PCDHGA9: variants seen among roughly 807,000 people sequenced by gnomAD.
PCDHGA9 encodes protocadherin gamma subfamily A, 9, also known as protocadherin gamma-A9.
In PCDHGA9, 37 loss-of-function variants were observed where a neutral mutation model predicts 62.5. The ratio of observed to expected loss-of-function variants is 0.59; its 90% CI spans 0.46 to 0.78. PCDHGA9 has a LOEUF of 0.78. Among genes scored for constraint, PCDHGA9 ranks in the 30% least tolerant of loss-of-function variants. The pLI is 0.00. For missense variants in PCDHGA9, 1,138 were observed against 1,166.2 expected (o/e 0.98, Z 0.35); for synonymous variants, 459 against 484.6 (o/e 0.95, Z 0.69).
intron 1 of PCDHGA9, among the ~76,000 whole-genome samples, chr5:141,466,748 G>A (rs562859284): frequency 6.6e-6 from 1 of 152,238 alleles, no homozygotes; most frequent in South Asian, 2.1e-4. Context: ...TACTCTGATA[G>A]GGGCTCTTTT....
rs1482297743 is a variant in PCDHGA9 at position 141,403,937 on chromosome 5, G to A, written c.985G>A (p.Gly329Arg). 8 of 1,613,778 alleles carry A rather than the reference G, an allele frequency of 5.0e-6. No individual in the cohort carries two copies. The highest frequency in any genetic ancestry group is 6.8e-6 in the Non-Finnish European group (8 of 1,179,896). Residue 329 changes from glycine (G) to arginine (R), a missense_variant, in exon 1 of 4, where the codon GGG becomes AGG. Transcript: ENST00000573521. Reference protein sequence around the residue: ...IQAEDGGGLKGWTKVLISVED... With the variant: ...IQAEDGGGLKRWTKVLISVED... ...AGCTGAAGATGGTGGGGGATTGAAA[G>A]GGTGGACAAAAGTGCTCATTTCGGT...
In PCDHGA9 at chr5:141,493,511, T is replaced by G. The variant is rs1203329648; in HGVS notation, c.2425-1296T>G. Among the ~76,000 whole-genome samples the G allele has an allele frequency of 6.6e-6, 1 of 152,094 alleles. No individual in the cohort carries two copies. Reference sequence around the variant, plus strand: ...TCTGTGGCTCCTCATTTCTGAGCAGTCCCCGCAGCGCAAACTTGGCCAGTT... The same window carrying G: ...TCTGTGGCTCCTCATTTCTGAGCAGGCCCCGCAGCGCAAACTTGGCCAGTT... On this transcript the variant is annotated intron_variant, in intron 1 of 3. Coordinates refer to ENST00000573521, the MANE Select transcript of PCDHGA9 (RefSeq NM_018921.3). This position sits in a 1 kb window ranked among gnomAD's most constrained non-coding sequence, Gnocchi z 4.3.
In PCDHGA9 at chr5:141,431,468, G is replaced by C. The variant is rs756718016; in HGVS notation, c.2424+26092G>C. 4 of 1,613,804 alleles carry C rather than the reference G, an allele frequency of 2.5e-6. No homozygotes were observed. Among genetic ancestry groups the C allele is most frequent in the Non-Finnish European group, 3.4e-6 (4 of 1,179,964 alleles). On this transcript the variant is annotated intron_variant, in intron 1 of 3. Coordinates refer to ENST00000573521, the MANE Select transcript of PCDHGA9 (RefSeq NM_018921.3). The surrounding 1 kb of genome is among the most constrained non-coding windows in gnomAD (Gnocchi z 4.8). Reference sequence around the variant, plus strand: ...CCGCGTGATGGTTCTGGATGCGAACGACAACGCACCAGCGTTTGCTCAGCC... The same window carrying C: ...CCGCGTGATGGTTCTGGATGCGAACCACAACGCACCAGCGTTTGCTCAGCC...
chr5:141,454,693 A>G (rs951819293), intron 1 of PCDHGA9, among the ~76,000 whole-genome samples: 1 of 151,738 alleles, frequency 6.6e-6, no homozygotes, highest in Non-Finnish European at 1.5e-5. Context: ...GGCATGAGCC[A>G]CCATGCTCCA....
At chr5:141,455,583 A>G (rs1485134189) in intron 1 of PCDHGA9, among the ~76,000 whole-genome samples, 4 of 152,144 alleles carry the variant, frequency 2.6e-5, no homozygotes, top group Non-Finnish European at 2.9e-5. Context: ...CCAGCCTTTT[A>G]ATATGCAAAC....
At chr5:141,435,803 T>C (rs551682061) in intron 1 of PCDHGA9, among the ~76,000 whole-genome samples, 1 of 152,178 alleles carries the variant, frequency 6.6e-6, no homozygotes, top group South Asian at 2.1e-4. Context: ...ACGTCCCAAT[T>C]ATTTTTTCTT....
Position 141,450,950 on chromosome 5 carries a change from A to G in PCDHGA9, c.2425-43857A>G, listed in dbSNP as rs1176916120. ...AGCAATTCTCCTACCTCAGCCTCCCAAGTAGCTGGGATTACAGGCATGTGC... is the reference window on the plus strand; with the variant it reads ...AGCAATTCTCCTACCTCAGCCTCCCGAGTAGCTGGGATTACAGGCATGTGC... On this transcript the variant is annotated intron_variant, in intron 1 of 3. Coordinates refer to ENST00000573521, the MANE Select transcript of PCDHGA9 (RefSeq NM_018921.3). Among the ~76,000 whole-genome samples, 9 of 150,714 alleles carry G rather than the reference A, an allele frequency of 6.0e-5. No individual in the cohort carries two copies. In the East Asian group the frequency reaches 1.6e-3, roughly 26 times the overall value.
In PCDHGA9 at chr5:141,404,311, T is replaced by G. The variant is rs746092761; in HGVS notation, c.1359T>G (p.Ser453=). The change falls in exon 1 of 4, where the codon TCT becomes TCG. Residue 453 remains serine, a synonymous_variant. Transcript: ENST00000573521. ...TDINDNPPAF[S]QASYSVYLPE... is the part of the protein sequence containing the mutation. ...TCAATGATAATCCACCTGCTTTCTC[T>G]CAAGCCTCCTACTCAGTCTACCTCC... 3 of 1,613,924 alleles carry G rather than the reference T, an allele frequency of 1.9e-6. No individual in the cohort carries two copies.
In PCDHGA9 at chr5:141,403,092, A is replaced by C; in HGVS notation, c.140A>C (p.Asn47Thr). 2.5e-6 allele frequency: 4 copies of C among 1,614,086 alleles called. No individual in the cohort carries two copies. Among genetic ancestry groups the C allele is most frequent in the Non-Finnish European group, 3.4e-6 (4 of 1,179,906 alleles). ...ACAGAAAAGGGCTATATTGTGGGCAACATCTCCAAGGACCTGGCTCTGGAG... is the reference window on the plus strand; with the variant it reads ...ACAGAAAAGGGCTATATTGTGGGCACCATCTCCAAGGACCTGGCTCTGGAG... ...EETEKGYIVG[N>T]ISKDLALEPR... The change falls in exon 1 of 4, where the codon AAC becomes ACC. Residue 47 changes from asparagine to threonine, a missense_variant. Physicochemically the swap from Asn to Thr is moderately conservative, Grantham distance 65. Transcript: ENST00000573521.
chr5:141,429,426 G>C (rs992784469), intron 1 of PCDHGA9, among the ~76,000 whole-genome samples: 3 of 151,724 alleles, frequency 2.0e-5, no homozygotes, highest in African/African-American at 4.8e-5. Context: ...TGTTGCCCAG[G>C]CTGGACTCAA....
chr5:141,465,257 T>C (rs968727090), intron 1 of PCDHGA9, among the ~76,000 whole-genome samples: 19 of 152,310 alleles, frequency 1.2e-4, no homozygotes, highest in Admixed American at 1.2e-3. Flanking sequence ...TTGTAAGCAA[T>C]GATACTAGCC....
chr5:141,477,037 G>A lies in PCDHGA9; in HGVS notation c.2425-17770G>A. ...TTGTAACCGGGATGCTGACAATCAAGGGTCGGCTGGACTTCGAGGACACCA... is the reference window on the plus strand; with the variant it reads ...TTGTAACCGGGATGCTGACAATCAAAGGTCGGCTGGACTTCGAGGACACCA... On this transcript the variant is annotated intron_variant, in intron 1 of 3. Coordinates refer to ENST00000573521, the MANE Select transcript of PCDHGA9 (RefSeq NM_018921.3). This position sits in a 1 kb window ranked among gnomAD's most constrained non-coding sequence, Gnocchi z 4.9. 6.2e-7 allele frequency: 1 copy of A among 1,614,266 alleles called. No individual in the cohort carries two copies. The highest frequency in any genetic ancestry group is 8.5e-7 in the Non-Finnish European group (1 of 1,180,052).
intron 1 of PCDHGA9, among the ~76,000 whole-genome samples, chr5:141,456,702 C>A (rs1185842343): frequency 6.6e-6 from 1 of 152,062 alleles, no homozygotes; most frequent in African/African-American, 2.4e-5. Flanking sequence ...TGGTGGCTCG[C>A]GCCTGTAATC....
chr5:141,415,031 G>T lies in PCDHGA9; in HGVS notation c.2424+9655G>T, dbSNP rs982540695. The T allele has an allele frequency of 6.2e-6, 10 of 1,613,464 alleles. No individual in the cohort carries two copies. The highest frequency in any genetic ancestry group is 6.8e-6 in the Non-Finnish European group (8 of 1,179,984). On this transcript the variant is annotated intron_variant, in intron 1 of 3. Transcript: ENST00000573521. ...CGTCTGCTCAAGGCCAGCGAGCCGGGACTCTTCGCGGTGGGGGAGCACACG... is the reference window on the plus strand; with the variant it reads ...CGTCTGCTCAAGGCCAGCGAGCCGGTACTCTTCGCGGTGGGGGAGCACACG...
Position 141,410,405 on chromosome 5 carries a change from T to C in PCDHGA9, c.2424+5029T>C, listed in dbSNP as rs777544150. ...CTTCCATCCTGGTCTCTGTGTCAAGTCTGGACCTGTAGTTCCCCCCAACTA... is the reference window on the plus strand; with the variant it reads ...CTTCCATCCTGGTCTCTGTGTCAAGCCTGGACCTGTAGTTCCCCCCAACTA... On this transcript the variant is annotated intron_variant, in intron 1 of 3. Transcript: ENST00000573521. 2.2e-5 allele frequency: 35 copies of C among 1,613,948 alleles called. 1 individual carries two copies. In the East Asian group the frequency reaches 7.8e-4, roughly 36 times the overall value.
At chr5:141,495,193 T>G (rs1471524188) in intron 2 of PCDHGA9, among the ~76,000 whole-genome samples, 2 of 152,192 alleles carry the variant, frequency 1.3e-5, no homozygotes, top group Non-Finnish European at 2.9e-5. Flanking sequence ...TCTATGCCCA[T>G]GTACTGCCTA....
intron 1 of PCDHGA9, chr5:141,410,053 C>T: frequency 6.2e-7 from 1 of 1,613,160 alleles, no homozygotes; most frequent in African/African-American, 1.3e-5. Context: ...CCGGACTCTT[C>T]AGCCTGGGGC....
At chr5:141,428,147 G>A (rs771536400) in intron 1 of PCDHGA9, 2 of 1,589,610 alleles carry the variant, frequency 1.3e-6, no homozygotes, top group Admixed American at 1.7e-5. Context: ...GGCTGCACAC[G>A]GGAACCTGCT....
chr5:141,421,617 C>T, intron 1 of PCDHGA9: 3 of 1,613,768 alleles, frequency 1.9e-6, no homozygotes, highest in African/African-American at 1.3e-5. Context: ...TTAATGATAA[C>T]GCCCCCAGCT....
Sources: gnomAD v4.1 joint callset for allele counts (sites outside exome capture counted in the v4.1 genomes callset) on GRCh38, gnomAD v4.1.1 for gene constraint, Gnocchi (gnomAD v3.1) non-coding constraint, MANE v1.5 for transcripts, NCBI Gene and HGNC (gene_info 2026-07-23, HGNC 2026-07-21) for gene names.